THAP4: variants seen among roughly 807,000 people sequenced by gnomAD.
THAP4 encodes THAP domain containing 4, also known as peroxynitrite isomerase THAP4.
A neutral mutation model predicts 48.1 loss-of-function variants in THAP4; 18 were observed. The observed-to-expected ratio is 0.37, with a 90% CI of 0.26 to 0.56. The LOEUF (loss-of-function observed/expected upper bound fraction) is 0.56, where lower values mean the gene tolerates loss of function less well. THAP4 is among the 20% of genes least tolerant of loss of function. The pLI, the probability that THAP4 is intolerant of heterozygous loss-of-function variation, is 0.78. For missense variants in THAP4, 656 were observed against 774.9 expected, an observed-to-expected ratio of 0.85 and a Z score of 1.82; for synonymous variants, 345 against 324.9, an observed-to-expected ratio of 1.06 and a Z score of -0.66.
chr2:241,588,291 C>A (rs2066916572), intron 5 of THAP4, among the ~76,000 whole-genome samples: 1 of 152,164 alleles, frequency 6.6e-6, no homozygotes, highest in Non-Finnish European at 1.5e-5. Context: ...TAGGATGAGA[C>A]TGATCTAAAT....
chr2:241,606,980 CA>C (rs200131108), intron 2 of THAP4, among the ~76,000 whole-genome samples: 4,457 of 152,062 alleles, frequency 0.029, 197 homozygotes, highest in African/African-American at 0.094. Context: ...CAAAGAGCAT[CA>C]GGGAGAAAAT....
intron 2 of THAP4, among the ~76,000 whole-genome samples, chr2:241,627,273 A>G (rs2067505414): frequency 6.6e-6 from 1 of 152,260 alleles, no homozygotes; most frequent in Admixed American, 6.5e-5. Flanking sequence ...ATATGTAGAT[A>G]ATGAATCCAT....
chr2:241,597,254 C>G (rs2067061965), intron 5 of THAP4, among the ~76,000 whole-genome samples: 2 of 152,196 alleles, frequency 1.3e-5, no homozygotes, highest in African/African-American at 4.8e-5. Flanking sequence ...CTGCTTCAGG[C>G]TCCCAAGTAG....
At chr2:241,632,363 G>A (rs2067575984) in intron 2 of THAP4, among the ~76,000 whole-genome samples, 1 of 152,116 alleles carries the variant, frequency 6.6e-6, no homozygotes, top group South Asian at 2.1e-4. Flanking sequence ...GCCTCCCAAA[G>A]TACTGGGATT....
chr2:241,584,675 G>C lies in THAP4; in HGVS notation c.1665C>G (p.Val555=). The change falls in exon 6 of 6, where the codon GTC becomes GTG. Residue 555 remains valine (V), a synonymous_variant. Coordinates refer to ENST00000407315, the MANE Select transcript of THAP4 (RefSeq NM_015963.6). ...TTGGCTGTGTCGTGGTTGCCATGGA[G>C]ACCGTCTGCTCAAGTTTGCCTTCAG... is the stretch of plus-strand genomic sequence containing the variant. ...LNSEGKLEQT[V]SMATTTQPMT... 1.2e-6 allele frequency: 2 copies of C among 1,614,208 alleles called. No individual in the cohort carries two copies. The highest frequency in any genetic ancestry group is 1.7e-6 in the Non-Finnish European group (2 of 1,180,024).
intron 1 of THAP4, among the ~76,000 whole-genome samples, chr2:241,636,361 T>C (rs902336635): frequency 1.1e-4 from 17 of 152,176 alleles, no homozygotes; most frequent in African/African-American, 4.1e-4. Context: ...CACAAGGCCT[T>C]AGAGGGGTTT....
intron 2 of THAP4, among the ~76,000 whole-genome samples, chr2:241,628,380 C>A (rs1470159913): frequency 6.6e-6 from 1 of 151,782 alleles, no homozygotes; most frequent in Non-Finnish European, 1.5e-5. Flanking sequence ...CCTCAGACTG[C>A]CTGTTCAAAC....
chr2:241,597,857 C>T (rs1347915398), intron 5 of THAP4, among the ~76,000 whole-genome samples: 1 of 152,164 alleles, frequency 6.6e-6, no homozygotes, highest in Non-Finnish European at 1.5e-5. Context: ...CCCTAAGCGC[C>T]ATGCCCAGGC....
In THAP4 at chr2:241,606,543, G is replaced by T. The variant is rs922715351; in HGVS notation, c.1241-70C>A. 8.5e-6 allele frequency: 12 copies of T among 1,407,424 alleles called. No homozygotes were observed. In the African/African-American group the frequency reaches 1.6e-4, roughly 18 times the overall value. The allele number at this position is 1,407,424 out of a possible 1,614,324, so 87.2% of individuals were successfully genotyped here. On this transcript the variant is annotated intron_variant, in intron 2 of 5. Coordinates refer to ENST00000407315, the MANE Select transcript of THAP4 (RefSeq NM_015963.6). ...TGCCTTGCTGAGCTTTAAGCAGAAT[G>T]CACGTTCCATATCGACGCTTGCTTC...
chr2:241,585,984 G>A (rs545482874), intron 5 of THAP4, among the ~76,000 whole-genome samples: 393 of 150,736 alleles, frequency 2.6e-3, no homozygotes, highest in Non-Finnish European at 4.0e-3. Flanking sequence ...GGTTGGGCAC[G>A]GTGGTTCACG....
intron 2 of THAP4, among the ~76,000 whole-genome samples, chr2:241,631,508 T>G (rs1195884473): frequency 1.3e-5 from 2 of 152,248 alleles, no homozygotes; most frequent in East Asian, 3.8e-4. Context: ...CACTGTCACC[T>G]AGGCTGGAGT....
At chr2:241,630,790 A>AC (rs1340437289) in intron 2 of THAP4, among the ~76,000 whole-genome samples, 1 of 151,872 alleles carries the variant, frequency 6.6e-6, no homozygotes, top group East Asian at 1.9e-4. Context: ...AAAAAAAAAA[A>AC]AAAAAAATTC....
In THAP4 at chr2:241,601,104, C is replaced by A. The variant is rs2067107638; in HGVS notation, c.1614+792G>T. Reference sequence around the variant, plus strand: ...GACCAGCCTGACCAACATGGAGAAACCCTGTCTCTACTAATAATACAAAAT... The same window carrying A: ...GACCAGCCTGACCAACATGGAGAAAACCTGTCTCTACTAATAATACAAAAT... On this transcript the variant is annotated intron_variant, in intron 5 of 5. Coordinates refer to ENST00000407315, the MANE Select transcript of THAP4 (RefSeq NM_015963.6). The surrounding 1 kb of genome is among the most constrained non-coding windows in gnomAD (Gnocchi z 4.0). Among the ~76,000 whole-genome samples the A allele has an allele frequency of 6.6e-6, 1 of 152,084 alleles. No individual in the cohort carries two copies. The highest frequency in any genetic ancestry group is 2.1e-4 in the South Asian group (1 of 4,832).
chr2:241,595,456 G>A (rs536992136), intron 5 of THAP4, among the ~76,000 whole-genome samples: 4 of 152,122 alleles, frequency 2.6e-5, no homozygotes, highest in African/African-American at 9.6e-5. Flanking sequence ...TGACCACCAT[G>A]GAGAAACCCC....
intron 5 of THAP4, chr2:241,585,053 G>A (rs1172168561): frequency 7.5e-6 from 2 of 264,990 alleles, no homozygotes; most frequent in Non-Finnish European, 1.5e-5. Context: ...TACTTGGATG[G>A]GAGAAGTCAC....
chr2:241,597,980 A>C (rs1327225073), intron 5 of THAP4, among the ~76,000 whole-genome samples: 1 of 65,550 alleles, frequency 1.5e-5, no homozygotes. Context: ...CATGCAAACA[A>C]AAAAAAAAAA....
rs1292945219 is a variant in THAP4, at chr2:241,612,866, C to T, written c.1241-6393G>A. ...CACAGCGATCCTTCCAGATTGCAGG[C>T]GCGTGAGCTGGCTCACTGACACGTG... is the stretch of plus-strand genomic sequence containing the variant. On this transcript the variant is annotated intron_variant, in intron 2 of 5. Transcript: ENST00000407315. This position sits in a 1 kb window ranked among gnomAD's most constrained non-coding sequence, Gnocchi z 4.1. Among the ~76,000 whole-genome samples the T allele has an allele frequency of 1.3e-5, 2 of 152,164 alleles. No individual in the cohort carries two copies. Among genetic ancestry groups the T allele is most frequent in the Admixed American group, 6.5e-5 (1 of 15,276 alleles).
At chr2:241,589,705 A>C (rs1394593286) in intron 5 of THAP4, among the ~76,000 whole-genome samples, 1 of 150,606 alleles carries the variant, frequency 6.6e-6, no homozygotes, top group African/African-American at 2.4e-5. Context: ...GAAAAAAAAC[A>C]TGTGTCCACA....
chr2:241,634,968 C>A (rs769024236), intron 1 of THAP4, among the ~76,000 whole-genome samples: 9 of 152,222 alleles, frequency 5.9e-5, no homozygotes, highest in African/African-American at 1.7e-4. Context: ...CAGGAGAATG[C>A]GGGTTCCCAG....
Sources: allele counts gnomAD v4.1 joint callset (sites outside exome capture counted in the v4.1 genomes callset), GRCh38; gene constraint gnomAD v4.1.1; non-coding constraint Gnocchi (gnomAD v3.1); transcripts MANE v1.5; gene names NCBI Gene and HGNC (gene_info 2026-07-23, HGNC 2026-07-21).